MAPK4: variants seen among roughly 807,000 people sequenced by gnomAD.
The protein encoded by MAPK4 is mitogen-activated protein kinase 4, also known as Erk3-related.
A neutral mutation model predicts 47.7 loss-of-function variants in MAPK4; 22 were observed. That is an observed-to-expected ratio of 0.46 (90% CI 0.33 to 0.66). MAPK4 has a LOEUF of 0.66. Among genes scored for constraint, MAPK4 ranks in the 30% least tolerant of loss-of-function variants. MAPK4 has a pLI of 0.02. For missense variants in MAPK4, 736 were observed against 831.7 expected (o/e 0.88, Z 1.42); for synonymous variants, 390 against 365.7 (o/e 1.07, Z -0.76).
intron 2 of MAPK4, among the ~76,000 whole-genome samples, chr18:50,693,553 A>C (rs776400212): frequency 1.3e-5 from 2 of 152,214 alleles, no homozygotes; most frequent in Non-Finnish European, 2.9e-5. Flanking sequence ...TGAGTGCTGC[A>C]CTATGTGATG....
intron 1 of MAPK4, among the ~76,000 whole-genome samples, chr18:50,571,711 C>T (rs2042251940): frequency 6.6e-6 from 1 of 152,120 alleles, no homozygotes; most frequent in Admixed American, 6.5e-5. Flanking sequence ...GAGTTTTTTC[C>T]AGTTATTTCG....
Position 50,721,910 on chromosome 18 carries a change from A to C in MAPK4, c.692-28A>C, listed in dbSNP as rs770318514. On this transcript the variant is annotated intron_variant, in intron 3 of 5. Transcript: ENST00000400384. ...CACACCACAGCCCCTTGGACAGCAC[A>C]CTTAACCATCTGGCATTGCCTCCCC... The C allele has an allele frequency of 2.7e-5, 44 of 1,613,104 alleles. 3 individuals carry two copies. In the South Asian group the frequency reaches 4.7e-4, roughly 17 times the overall value.
intron 1 of MAPK4, among the ~76,000 whole-genome samples, chr18:50,616,865 TG>T (rs2042689328): frequency 6.6e-6 from 1 of 152,236 alleles, no homozygotes; most frequent in South Asian, 2.1e-4. Flanking sequence ...CCCGGTTCCC[TG>T]ACTCAAATGT....
Position 50,729,172 on chromosome 18 carries a change from TGTC to T in MAPK4, c.1087_1089del (p.Ser363del). The T allele has an allele frequency of 6.3e-7, 1 of 1,580,692 alleles. No individual in the cohort carries two copies. Among genetic ancestry groups the T allele is most frequent in the Non-Finnish European group, 8.7e-7 (1 of 1,155,682 alleles). On this transcript the variant is annotated inframe_deletion, in exon 6 of 6. Coordinates refer to ENST00000400384, the MANE Select transcript of MAPK4 (RefSeq NM_002747.4). Reference sequence around the variant, plus strand: ...TACCCTTGCAGGTACCCTGTGAGCCTGTCGTCGGACCTGGAGTGGCGGCCTGAC... The same window carrying T: ...TACCCTTGCAGGTACCCTGTGAGCCTGTCGGACCTGGAGTGGCGGCCTGAC...
At chr18:50,568,800 C>T (rs1418938919) in intron 1 of MAPK4, among the ~76,000 whole-genome samples, 1 of 152,198 alleles carries the variant, frequency 6.6e-6, no homozygotes, top group Non-Finnish European at 1.5e-5. Flanking sequence ...ACCTGTCTTC[C>T]AAGTCACAGT....
At chr18:50,620,348 C>T (rs1253263769) in intron 1 of MAPK4, among the ~76,000 whole-genome samples, 2 of 152,236 alleles carry the variant, frequency 1.3e-5, no homozygotes, top group Admixed American at 6.5e-5. Context: ...GCCAGAATCT[C>T]TCAAACTTTC....
At chr18:50,569,948 C>T (rs530105742) in intron 1 of MAPK4, among the ~76,000 whole-genome samples, 24 of 152,350 alleles carry the variant, frequency 1.6e-4, no homozygotes, top group Admixed American at 4.6e-4. Flanking sequence ...TCTTTTCTCA[C>T]ATCTTAAACC....
At chr18:50,656,939 A>G (rs1379903749) in intron 1 of MAPK4, among the ~76,000 whole-genome samples, 1 of 152,226 alleles carries the variant, frequency 6.6e-6, no homozygotes, top group East Asian at 1.9e-4. Context: ...TGTCTTAAAC[A>G]GCAGTAGGGC....
chr18:50,584,424 TA>T (rs34666521), intron 1 of MAPK4, among the ~76,000 whole-genome samples: 2,210 of 151,306 alleles, frequency 0.015, 56 homozygotes, highest in African/African-American at 0.049. Context: ...CTCATGTTCT[TA>T]AAAAAAAAGC....
At chr18:50,575,812 A>C (rs950879620) in intron 1 of MAPK4, among the ~76,000 whole-genome samples, 2 of 150,856 alleles carry the variant, frequency 1.3e-5, no homozygotes, top group South Asian at 2.1e-4. Context: ...AAAAAAAAAA[A>C]ACCATTAAAA....
At chr18:50,693,457 GAA>G (rs1198486035) in intron 2 of MAPK4, among the ~76,000 whole-genome samples, 2 of 152,134 alleles carry the variant, frequency 1.3e-5, no homozygotes, top group Non-Finnish European at 2.9e-5. Context: ...CAAAGAGACA[GAA>G]AAAAATACAA....
chr18:50,601,437 A>T (rs1287283033), intron 1 of MAPK4, among the ~76,000 whole-genome samples: 6 of 151,386 alleles, frequency 4.0e-5, no homozygotes, highest in Non-Finnish European at 8.8e-5. Context: ...AACAGTATAG[A>T]TTGTAGCCTC....
chr18:50,612,956 T>G (rs1297869236), intron 1 of MAPK4, among the ~76,000 whole-genome samples: 1 of 152,222 alleles, frequency 6.6e-6, no homozygotes, highest in African/African-American at 2.4e-5. Flanking sequence ...CATAAGGCCC[T>G]GGATGAATCT....
intron 1 of MAPK4, among the ~76,000 whole-genome samples, chr18:50,606,247 A>G (rs1163936028): frequency 2.0e-5 from 3 of 152,068 alleles, no homozygotes; most frequent in African/African-American, 4.8e-5. Context: ...AATCCTGGCA[A>G]AGAACAGTGG....
intron 1 of MAPK4, among the ~76,000 whole-genome samples, chr18:50,570,897 T>A (rs1422509010): frequency 6.6e-6 from 1 of 152,184 alleles, no homozygotes; most frequent in African/African-American, 2.4e-5. Context: ...ATCCTCCACC[T>A]TACCAGAGCC....
At chr18:50,697,913 C>G (rs1380480520) in intron 2 of MAPK4, among the ~76,000 whole-genome samples, 1 of 152,168 alleles carries the variant, frequency 6.6e-6, no homozygotes, top group African/African-American at 2.4e-5. Flanking sequence ...TCTTTACTCA[C>G]TTCAATTAGG....
intron 2 of MAPK4, among the ~76,000 whole-genome samples, chr18:50,665,820 A>G (rs899318410): frequency 2.0e-5 from 3 of 152,146 alleles, no homozygotes; most frequent in Admixed American, 1.3e-4. Flanking sequence ...CAGCCAAGCC[A>G]TCTGTCAAAA....
rs1404166891 is a variant in MAPK4 at position 50,663,915 on chromosome 18, C to T, written c.-44C>T. 6.4e-7 allele frequency: 1 copy of T among 1,550,680 alleles called. No individual in the cohort carries two copies. The highest frequency in any genetic ancestry group is 8.8e-7 in the Non-Finnish European group (1 of 1,141,738). On this transcript the variant is annotated 5_prime_UTR_variant, in exon 2 of 6. Coordinates refer to ENST00000400384, the MANE Select transcript of MAPK4 (RefSeq NM_002747.4). The stretch of plus-strand genomic sequence containing the variant: ...CTAGCCGAGACTTGGCCTTTCCTGA[C>T]TGCCCCTGTGTTACCTGGGCAGCTC...
chr18:50,640,820 A>C (rs1408328184), intron 1 of MAPK4, among the ~76,000 whole-genome samples: 1 of 152,046 alleles, frequency 6.6e-6, no homozygotes, highest in Non-Finnish European at 1.5e-5. Flanking sequence ...ACACACACAC[A>C]CACGCACACA....
Sources: allele counts gnomAD v4.1 joint callset (sites outside exome capture counted in the v4.1 genomes callset), GRCh38; gene constraint gnomAD v4.1.1; transcripts MANE v1.5; gene names NCBI Gene and HGNC (gene_info 2026-07-23, HGNC 2026-07-21).